The following CATSPERE variants were observed in gnomAD, a reference collection of about 807,000 sequenced individuals.
The protein encoded by CATSPERE is catsper channel auxiliary subunit epsilon.
Under a neutral mutation model 114.1 loss-of-function variants are expected in CATSPERE, and 93 were observed. The ratio of observed to expected loss-of-function variants is 0.81; its 90% confidence interval spans 0.69 to 0.97. The LOEUF (loss-of-function observed/expected upper bound fraction) is 0.97, where lower values mean the gene tolerates loss of function less well. CATSPERE is among the 50% of genes least tolerant of loss of function. The pLI is 0.00. For missense variants in CATSPERE, 1,058 were observed against 1,131.6 expected (o/e 0.93, Z 0.93); for synonymous variants, 341 against 384.1 (o/e 0.89, Z 1.31).
intron 8 of CATSPERE, among the ~76,000 whole-genome samples, chr1:244,537,644 A>G (rs1220515530): frequency 6.6e-6 from 1 of 152,212 alleles, no homozygotes; most frequent in East Asian, 1.9e-4. Context: ...TTATTTTTCC[A>G]GTTTATTTAA....
intron 1 of CATSPERE, among the ~76,000 whole-genome samples, chr1:244,461,810 C>T (rs949022827): frequency 6.6e-6 from 1 of 152,118 alleles, no homozygotes; most frequent in Non-Finnish European, 1.5e-5. Flanking sequence ...TTGTTTAGGG[C>T]GGGGGTTGTC....
intron 8 of CATSPERE, among the ~76,000 whole-genome samples, chr1:244,538,426 G>A (rs942904035): frequency 6.6e-6 from 1 of 152,130 alleles, no homozygotes; most frequent in African/African-American, 2.4e-5. Flanking sequence ...TTAAGTAAGT[G>A]CTTATAGAAG....
intron 8 of CATSPERE, among the ~76,000 whole-genome samples, chr1:244,519,827 G>A (rs554642223): frequency 1.7e-4 from 25 of 145,694 alleles, no homozygotes; most frequent in African/African-American, 4.1e-4. Flanking sequence ...GTAGGAAAGC[G>A]CTCAGCCGCC....
chr1:244,544,910 A>G (rs1659480781), intron 8 of CATSPERE, among the ~76,000 whole-genome samples: 1 of 152,218 alleles, frequency 6.6e-6, no homozygotes, highest in African/African-American at 2.4e-5. Context: ...ATGAGGCCCA[A>G]CAGAAACAGT....
chr1:244,502,260 GGC>G (rs1437387519), intron 7 of CATSPERE, among the ~76,000 whole-genome samples: 1 of 151,990 alleles, frequency 6.6e-6, no homozygotes, highest in African/African-American at 2.4e-5. Context: ...ATTTGTATGT[GGC>G]TGTACATTTT....
At chr1:244,492,939 TA>T (rs907714170) in intron 6 of CATSPERE, among the ~76,000 whole-genome samples, 1 of 150,368 alleles carries the variant, frequency 6.7e-6, no homozygotes, top group East Asian at 1.9e-4. Context: ...CTCAATGAAA[TA>T]AAAGAGGATA....
Position 244,472,460 on chromosome 1 carries a change from A to AT in CATSPERE, c.115-5075dup, listed in dbSNP as rs1303158324. ...TACCTTTGCCCATGGCTTTTAAAAA[A>AT]TTTTTTAAGAGTTAACAGACTTTAT... On this transcript the variant is annotated intron_variant, in intron 2 of 21. Coordinates refer to ENST00000366534, the MANE Select transcript of CATSPERE (RefSeq NM_001130957.2). 9.9e-5 allele frequency among the ~76,000 whole-genome samples: 15 copies of AT among 152,216 alleles called. No homozygotes were observed. In the East Asian group the frequency reaches 2.9e-3, roughly 29 times the overall value.
chr1:244,614,172 A>C (rs1671087650), intron 19 of CATSPERE, among the ~76,000 whole-genome samples: 1 of 152,174 alleles, frequency 6.6e-6, no homozygotes, highest in South Asian at 2.1e-4. Context: ...TAAAAGCAAC[A>C]GAAAACAAAC....
chr1:244,564,884 T>C (rs1663187070), intron 10 of CATSPERE, among the ~76,000 whole-genome samples: 1 of 152,208 alleles, frequency 6.6e-6, no homozygotes, highest in Non-Finnish European at 1.5e-5. Flanking sequence ...GGCTGTGGGT[T>C]TGTCATAAAT....
intron 5 of CATSPERE, among the ~76,000 whole-genome samples, chr1:244,481,082 G>C (rs7531067): frequency 0.23 from 35,006 of 152,006 alleles, 4,773 homozygotes; most frequent in African/African-American, 0.37. Flanking sequence ...TGAAGTTACT[G>C]TGTCAAGGTT....
chr1:244,522,039 T>TC (rs1180997313), intron 8 of CATSPERE, among the ~76,000 whole-genome samples: 1 of 152,144 alleles, frequency 6.6e-6, no homozygotes, highest in East Asian at 1.9e-4. Context: ...TACATTTTTT[T>TC]CAGCACCACA....
At chr1:244,579,818 A>C (rs956862415) in intron 11 of CATSPERE, among the ~76,000 whole-genome samples, 3 of 152,258 alleles carry the variant, frequency 2.0e-5, no homozygotes, top group Non-Finnish European at 4.4e-5. Context: ...ATTGGGAATA[A>C]TAGTAATGAA....
Position 244,560,926 on chromosome 1 carries a change from CAG to C in CATSPERE, c.1289_1290del (p.Gln430LeufsTer13). 1 of 1,614,084 alleles carries C rather than the reference CAG, an allele frequency of 6.2e-7. No individual in the cohort carries two copies. Among genetic ancestry groups the C allele is most frequent in the Admixed American group, 1.7e-5 (1 of 60,020 alleles). On this transcript the variant is annotated frameshift_variant, in exon 10 of 22. Coordinates refer to ENST00000366534, the MANE Select transcript of CATSPERE (RefSeq NM_001130957.2). LOFTEE classifies it high-confidence loss of function. Reference protein sequence around the residue: ...FLVIYNEDTKQWVSQDFTLDA... With the variant: ...FLVIYNEDTKXWVSQDFTLDA... ...AGTGATATATAATGAAGATACAAAA[CAG>C]TGGGTTTCCCAAGACTTTACATTAG...
intron 2 of CATSPERE, among the ~76,000 whole-genome samples, chr1:244,473,453 G>A (rs745663249): frequency 2.6e-5 from 4 of 152,026 alleles, no homozygotes; most frequent in African/African-American, 4.8e-5. Context: ...ATGGGTTTTC[G>A]TTTCCTTGTT....
intron 8 of CATSPERE, among the ~76,000 whole-genome samples, chr1:244,521,491 A>G (rs1677557578): frequency 6.6e-6 from 1 of 152,210 alleles, no homozygotes; most frequent in Admixed American, 6.5e-5. Context: ...AATAGCTTAA[A>G]GGAGTAAAAT....
intron 15 of CATSPERE, among the ~76,000 whole-genome samples, 176 bp from the exon 16 acceptor site, chr1:244,593,219 G>T (rs1163962581): frequency 6.6e-6 from 1 of 152,190 alleles, no homozygotes; most frequent in African/African-American, 2.4e-5. Flanking sequence ...TCACGCCTTA[G>T]TGGTTGTAAG....
intron 5 of CATSPERE, among the ~76,000 whole-genome samples, chr1:244,484,372 A>G (rs1670687109): frequency 6.6e-6 from 1 of 152,216 alleles, no homozygotes. Flanking sequence ...CGAATAGCCA[A>G]CACAATATTG....
At chr1:244,479,095 T>C (rs1221365255) in intron 4 of CATSPERE, among the ~76,000 whole-genome samples, 1 of 151,592 alleles carries the variant, frequency 6.6e-6, no homozygotes, top group African/African-American at 2.4e-5. Context: ...TTTTGTTTTT[T>C]GTTTTTTTTC....
intron 2 of CATSPERE, among the ~76,000 whole-genome samples, chr1:244,470,877 T>A (rs555716794): frequency 1.3e-3 from 193 of 152,328 alleles, no homozygotes; most frequent in African/African-American, 4.5e-3. Context: ...TAGAAAAGCC[T>A]TGAAAACATT....
Sources: gnomAD v4.1 joint callset for allele counts (sites outside exome capture counted in the v4.1 genomes callset) on GRCh38, gnomAD v4.1.1 for gene constraint, MANE v1.5 for transcripts, NCBI Gene and HGNC (gene_info 2026-07-23, HGNC 2026-07-21) for gene names.